IQCJ: variants seen among roughly 807,000 people sequenced by gnomAD.
IQCJ encodes the protein IQ motif containing J, also known as IQ domain-containing protein J.
IQCJ carries 9 observed loss-of-function variants against 11.0 expected under a neutral mutation model. That is an observed-to-expected ratio of 0.82 (90% CI 0.49 to 1.43). The LOEUF is 1.43. Among genes scored for constraint, IQCJ ranks in the 40% most tolerant of loss-of-function variants. The probability of loss-of-function intolerance (pLI) is 0.00; values close to 1 mark genes in which losing one functional copy is unlikely to be tolerated. For missense variants in IQCJ, 146 were observed against 133.2 expected, an observed-to-expected ratio of 1.10 and a Z score of -0.47; for synonymous variants, 55 against 51.3, an observed-to-expected ratio of 1.07 and a Z score of -0.31.
At chr3:159,199,462 G>T (rs1453212453) in intron 1 of IQCJ, among the ~76,000 whole-genome samples, 1 of 152,114 alleles carries the variant, frequency 6.6e-6, no homozygotes, top group East Asian at 1.9e-4. Flanking sequence ...CTTCATTTTT[G>T]CCCAGTGAGA....
At chr3:159,221,859 A>G (rs1725569916) in intron 1 of IQCJ, among the ~76,000 whole-genome samples, 1 of 152,088 alleles carries the variant, frequency 6.6e-6, no homozygotes. Context: ...AGAATTGAAC[A>G]CTAAACTGGA....
At chr3:159,212,784 C>T (rs1257617801) in intron 1 of IQCJ, among the ~76,000 whole-genome samples, 3 of 152,064 alleles carry the variant, frequency 2.0e-5, no homozygotes, top group East Asian at 1.9e-4. Context: ...GGAAAATACT[C>T]GAAGGGAAAA....
At chr3:159,144,873 G>T (rs986164938) in intron 1 of IQCJ, among the ~76,000 whole-genome samples, 1 of 152,100 alleles carries the variant, frequency 6.6e-6, no homozygotes, top group African/African-American at 2.4e-5. Context: ...TTCTAATAAA[G>T]AACATTTTCA....
intron 1 of IQCJ, among the ~76,000 whole-genome samples, chr3:159,155,730 G>T (rs1292970374): frequency 2.0e-5 from 3 of 152,110 alleles, no homozygotes; most frequent in Non-Finnish European, 4.4e-5. Flanking sequence ...CTTTTTAAAG[G>T]ATTGTAGAAA....
chr3:159,104,807 C>A (rs1437907779), intron 1 of IQCJ, among the ~76,000 whole-genome samples: 1 of 152,194 alleles, frequency 6.6e-6, no homozygotes, highest in African/African-American at 2.4e-5. Flanking sequence ...TTCAGGAAAC[C>A]TTTTCTGATC....
At chr3:159,082,964 C>A (rs1036882426) in intron 1 of IQCJ, among the ~76,000 whole-genome samples, 2 of 152,082 alleles carry the variant, frequency 1.3e-5, no homozygotes, top group African/African-American at 4.8e-5. Flanking sequence ...AAAATTACCT[C>A]ATAATGGACC....
chr3:159,252,308 A>G (rs1243618191), intron 2 of IQCJ, among the ~76,000 whole-genome samples: 3 of 152,210 alleles, frequency 2.0e-5, no homozygotes. Context: ...ACGGCTTACA[A>G]ATGAAAGGAG....
chr3:159,133,973 G>T (rs1194790714), intron 1 of IQCJ, among the ~76,000 whole-genome samples: 2 of 151,574 alleles, frequency 1.3e-5, no homozygotes, highest in Non-Finnish European at 2.9e-5. Context: ...TCCTCCAAAG[G>T]CTCGACTGAG....
At chr3:159,089,054 G>T (rs773581696) in intron 1 of IQCJ, among the ~76,000 whole-genome samples, 1 of 151,988 alleles carries the variant, frequency 6.6e-6, no homozygotes. Context: ...GCAGTGGCTG[G>T]TACCGGTTGT....
chr3:159,173,456 G>C (rs947867523), intron 1 of IQCJ, among the ~76,000 whole-genome samples: 1 of 152,156 alleles, frequency 6.6e-6, no homozygotes, highest in African/African-American at 2.4e-5. Flanking sequence ...TTTACTTGCT[G>C]ACTGTTGTTT....
intron 1 of IQCJ, among the ~76,000 whole-genome samples, chr3:159,160,821 T>A (rs1455978332): frequency 6.6e-6 from 1 of 152,092 alleles, no homozygotes; most frequent in Non-Finnish European, 1.5e-5. Context: ...CTGAGAATGA[T>A]GATTTCCAAT....
At chr3:159,246,959 A>G (rs1267589455) in intron 2 of IQCJ, among the ~76,000 whole-genome samples, 1 of 152,192 alleles carries the variant, frequency 6.6e-6, no homozygotes, top group Admixed American at 6.5e-5. Flanking sequence ...CTTTGTTAAG[A>G]AGTGAGCCGT....
At chr3:159,126,520 G>C (rs1418835305) in intron 1 of IQCJ, among the ~76,000 whole-genome samples, 2 of 152,168 alleles carry the variant, frequency 1.3e-5, no homozygotes, top group African/African-American at 4.8e-5. Context: ...CTTCTTGAAG[G>C]AACAGGCTAT....
intron 1 of IQCJ, among the ~76,000 whole-genome samples, chr3:159,111,307 T>G (rs184521873): frequency 2.6e-5 from 4 of 152,306 alleles, no homozygotes; most frequent in African/African-American, 9.6e-5. Context: ...CAGTAAAAAC[T>G]CTTTTGTCTT....
intron 1 of IQCJ, among the ~76,000 whole-genome samples, chr3:159,174,748 T>C (rs1722676910): frequency 6.6e-6 from 1 of 152,218 alleles, no homozygotes; most frequent in Admixed American, 6.5e-5. Context: ...ATAATTTTGT[T>C]TCTCAAAATT....
intron 1 of IQCJ, among the ~76,000 whole-genome samples, chr3:159,141,512 T>C (rs1720602516): frequency 1.3e-5 from 2 of 152,234 alleles, no homozygotes; most frequent in African/African-American, 2.4e-5. Flanking sequence ...TTTCCACCTG[T>C]AACCATGACT....
chr3:159,178,482 G>A (rs1257245819), intron 1 of IQCJ, among the ~76,000 whole-genome samples: 1 of 152,154 alleles, frequency 6.6e-6, no homozygotes, highest in Non-Finnish European at 1.5e-5. Context: ...TGGTATAGGT[G>A]AATATTCAGA....
rs1015867412 is a variant in IQCJ, at chr3:159,085,973, T to C, written c.9+16532T>C. On this transcript the variant is annotated intron_variant, in intron 1 of 3. Coordinates refer to ENST00000397832, the MANE Select transcript of IQCJ (RefSeq NM_001042706.3). ...TTTGTTGCTATTGCTTTTGGTGTTTTAGACATGAAGCCTTGCCCATGCCTA... is the reference window on the plus strand; with the variant it reads ...TTTGTTGCTATTGCTTTTGGTGTTTCAGACATGAAGCCTTGCCCATGCCTA... Among the ~76,000 whole-genome samples, 42 of 152,310 alleles carry C rather than the reference T, an allele frequency of 2.8e-4. 1 individual carries two copies. Among genetic ancestry groups the C allele is most frequent in the African/African-American group, 9.6e-4 (40 of 41,554 alleles).
chr3:159,151,596 A>G (rs533662619), intron 1 of IQCJ, among the ~76,000 whole-genome samples: 1 of 152,306 alleles, frequency 6.6e-6, no homozygotes, highest in Admixed American at 6.5e-5. Flanking sequence ...TTCCTTCCCA[A>G]AAAACAAAAC....
Sources: allele counts gnomAD v4.1 joint callset (sites outside exome capture counted in the v4.1 genomes callset), GRCh38; gene constraint gnomAD v4.1.1; transcripts MANE v1.5; gene names NCBI Gene and HGNC (gene_info 2026-07-23, HGNC 2026-07-21).